The following TRPM3 variants were observed in gnomAD, a reference collection of about 807,000 sequenced individuals.
TRPM3 encodes transient receptor potential cation channel subfamily M member 3.
A neutral mutation model predicts 181.2 loss-of-function variants in TRPM3; 77 were observed. The observed-to-expected ratio is 0.42, with a 90% CI of 0.35 to 0.51. The LOEUF (loss-of-function observed/expected upper bound fraction) is 0.51, where lower values mean the gene tolerates loss of function less well. TRPM3 is among the 20% of genes least tolerant of loss of function. The pLI, the probability that TRPM3 is intolerant of heterozygous loss-of-function variation, is 0.01. For synonymous variants in TRPM3, 745 were observed against 796.4 expected, an observed-to-expected ratio of 0.94 and a Z score of 1.09; for missense variants, 1,759 against 2,196.7, an observed-to-expected ratio of 0.80 and a Z score of 3.98.
intron 1 of TRPM3, among the ~76,000 whole-genome samples, chr9:71,394,339 A>G (rs1350117041): frequency 6.6e-6 from 1 of 152,224 alleles, no homozygotes. Flanking sequence ...CAACCACAGA[A>G]AACATAGTTT....
At chr9:70,547,366 C>T (rs1432947687) in intron 25 of TRPM3, among the ~76,000 whole-genome samples, 1 of 151,960 alleles carries the variant, frequency 6.6e-6, no homozygotes, top group Non-Finnish European at 1.5e-5. Flanking sequence ...GGTGATTTCA[C>T]CTGCCACTCC....
rs1016680279 is a variant in TRPM3, at chr9:70,534,694, C to A, written c.*1259G>T. 23 of 152,268 alleles carry A rather than the reference C, an allele frequency of 1.5e-4. No homozygotes were observed. Among genetic ancestry groups the A allele is most frequent in the African/African-American group, 5.5e-4 (23 of 41,552 alleles). 9.4% of individuals were successfully genotyped at this position (152,268 alleles called of 1,614,324 possible). On this transcript the variant is annotated 3_prime_UTR_variant, in exon 26 of 26. Coordinates refer to ENST00000677713, the MANE Select transcript of TRPM3 (RefSeq NM_001366145.2). ...GTTGATACCAAACTCCCAGTCAAATCTAAGGTTATTTATAGTTTTGAAACT... is the reference window on the plus strand; with the variant it reads ...GTTGATACCAAACTCCCAGTCAAATATAAGGTTATTTATAGTTTTGAAACT...
intron 1 of TRPM3, among the ~76,000 whole-genome samples, chr9:71,033,342 G>A (rs1449829071): frequency 6.6e-6 from 1 of 152,176 alleles, no homozygotes; most frequent in Non-Finnish European, 1.5e-5. Context: ...TAATGTCATA[G>A]ATAAGTTCTT....
intron 1 of TRPM3, among the ~76,000 whole-genome samples, chr9:71,085,357 A>G (rs1162054125): frequency 6.6e-6 from 1 of 152,024 alleles, no homozygotes; most frequent in Admixed American, 6.6e-5. Flanking sequence ...TACAGAATAG[A>G]AGAAAATATT....
At chr9:71,339,133 T>A (rs577795935) in intron 1 of TRPM3, among the ~76,000 whole-genome samples, 28 of 152,114 alleles carry the variant, frequency 1.8e-4, no homozygotes, top group Admixed American at 1.8e-3. Context: ...TACTCAAAAA[T>A]GAACTTCAAA....
At chr9:71,403,456 G>A (rs1440413698) in intron 1 of TRPM3, among the ~76,000 whole-genome samples, 1 of 152,120 alleles carries the variant, frequency 6.6e-6, no homozygotes, top group Non-Finnish European at 1.5e-5. Flanking sequence ...GAATATACTT[G>A]TTTCTGGAAA....
At chr9:70,646,762 A>C (rs1461590657) in intron 9 of TRPM3, among the ~76,000 whole-genome samples, 1 of 152,024 alleles carries the variant, frequency 6.6e-6, no homozygotes, top group East Asian at 1.9e-4. Flanking sequence ...TTTTGAAAAA[A>C]TACATAAGAT....
intron 1 of TRPM3, among the ~76,000 whole-genome samples, chr9:71,286,987 A>ATTACATATTGCAT (rs1446832256): frequency 4.9e-5 from 7 of 142,624 alleles, no homozygotes; most frequent in African/African-American, 1.8e-4. Flanking sequence ...TATATTATAT[A>ATTACATATTGCAT]ATTATATTAT....
At chr9:70,564,410 G>A (rs763746938) in intron 22 of TRPM3, among the ~76,000 whole-genome samples, 13 of 152,174 alleles carry the variant, frequency 8.5e-5, no homozygotes, top group Non-Finnish European at 1.5e-4. Context: ...AAGGGAGCTG[G>A]AGTCCATTCT....
intron 1 of TRPM3, among the ~76,000 whole-genome samples, chr9:71,195,388 C>T (rs2078284772): frequency 6.6e-6 from 1 of 151,520 alleles, no homozygotes; most frequent in Admixed American, 6.6e-5. Context: ...GTATATGAAG[C>T]AAAGCTCAAT....
At chr9:70,955,415 C>T (rs568594867) in intron 1 of TRPM3, among the ~76,000 whole-genome samples, 3 of 152,290 alleles carry the variant, frequency 2.0e-5, no homozygotes, top group African/African-American at 4.8e-5. Context: ...CTTCTCTGTT[C>T]CACATGACTG....
chr9:70,833,712 T>G (rs185356952), intron 5 of TRPM3, among the ~76,000 whole-genome samples: 9 of 152,140 alleles, frequency 5.9e-5, no homozygotes. Context: ...TGCTGGACAT[T>G]TTTATCAGTG....
At chr9:71,214,420 A>G (rs2079714727) in intron 1 of TRPM3, among the ~76,000 whole-genome samples, 2 of 152,208 alleles carry the variant, frequency 1.3e-5, no homozygotes, top group African/African-American at 4.8e-5. Flanking sequence ...TAATGAAAAC[A>G]TACGCCCACA....
At chr9:71,089,931 C>T (rs981958111) in intron 1 of TRPM3, among the ~76,000 whole-genome samples, 1 of 152,120 alleles carries the variant, frequency 6.6e-6, no homozygotes, top group African/African-American at 2.4e-5. Flanking sequence ...GCATAAAATA[C>T]ACTAACACTT....
At chr9:70,811,285 G>T in intron 6 of TRPM3, 2 of 1,508,158 alleles carry the variant, frequency 1.3e-6, no homozygotes, top group Non-Finnish European at 1.8e-6. Context: ...ACACCCTGTG[G>T]TTGCATACAC....
intron 1 of TRPM3, among the ~76,000 whole-genome samples, chr9:71,375,756 G>A (rs1417062931): frequency 1.3e-5 from 2 of 152,142 alleles, no homozygotes; most frequent in Admixed American, 6.6e-5. Context: ...TCAGCCAGCA[G>A]TCATCAACAT....
At chr9:71,072,297 T>A (rs1365993149) in intron 1 of TRPM3, among the ~76,000 whole-genome samples, 1 of 152,178 alleles carries the variant, frequency 6.6e-6, no homozygotes, top group African/African-American at 2.4e-5. Flanking sequence ...TTTTTTTAAG[T>A]TAAGATAGTT....
Position 71,188,530 on chromosome 9 carries a change from T to C in TRPM3, c.183+258123A>G, listed in dbSNP as rs1336618987. 3.3e-5 allele frequency among the ~76,000 whole-genome samples: 5 copies of C among 151,944 alleles called. No individual in the cohort carries two copies. The East Asian group carries it at 9.6e-4, about 29-fold the overall frequency. On this transcript the variant is annotated intron_variant, in intron 1 of 24. Transcript: ENST00000357533. ...GTATTTATTATTATAAATACTATAATGATTATTATAATGTTGCATCATAGA... is the reference window on the plus strand; with the variant it reads ...GTATTTATTATTATAAATACTATAACGATTATTATAATGTTGCATCATAGA...
intron 1 of TRPM3, among the ~76,000 whole-genome samples, chr9:71,008,370 TA>T (rs34758172): frequency 0.14 from 21,620 of 149,596 alleles, 1,892 homozygotes; most frequent in African/African-American, 0.26. Context: ...CTCAAACTGT[TA>T]AAAAAAAAAT....
Sources: allele counts gnomAD v4.1 joint callset (sites outside exome capture counted in the v4.1 genomes callset), GRCh38; gene constraint gnomAD v4.1.1; transcripts MANE v1.5; gene names NCBI Gene and HGNC (gene_info 2026-07-23, HGNC 2026-07-21).